THADA: variants seen among roughly 807,000 people sequenced by gnomAD.
THADA encodes THADA armadillo repeat containing.
Under a neutral mutation model 219.8 loss-of-function variants are expected in THADA, and 213 were observed. The ratio of observed to expected loss-of-function variants is 0.97; its 90% CI spans 0.87 to 1.09. The LOEUF (loss-of-function observed/expected upper bound fraction) is 1.09, where lower values mean the gene tolerates loss of function less well. Among genes scored for constraint, THADA ranks in the 50% least tolerant of loss-of-function variants. The pLI is 0.00. For missense variants in THADA, 2,956 were observed against 2,311.3 expected, an observed-to-expected ratio of 1.28 and a Z score of -5.72; for synonymous variants, 1,018 against 828.9, an observed-to-expected ratio of 1.23 and a Z score of -3.92.
At chr2:43,540,636 A>G (rs1695172038) in intron 21 of THADA, among the ~76,000 whole-genome samples, 1 of 152,210 alleles carries the variant, frequency 6.6e-6, no homozygotes, top group South Asian at 2.1e-4. Context: ...GCTTGTGGTA[A>G]GCTAACTTCT....
At chr2:43,569,195 T>C (rs1286003656) in intron 14 of THADA, among the ~76,000 whole-genome samples, 1 of 152,134 alleles carries the variant, frequency 6.6e-6, no homozygotes, top group Non-Finnish European at 1.5e-5. Context: ...CAGGCTAGTC[T>C]TGAAGTCCTG....
At chr2:43,288,104 T>A (rs1674259704) in intron 34 of THADA, among the ~76,000 whole-genome samples, 1 of 152,220 alleles carries the variant, frequency 6.6e-6, no homozygotes, top group African/African-American at 2.4e-5. Flanking sequence ...ACAGTATTTA[T>A]GTTTCTATTA....
At chr2:43,249,771 T>TC (rs1669626161) in intron 36 of THADA, among the ~76,000 whole-genome samples, 1 of 152,186 alleles carries the variant, frequency 6.6e-6, no homozygotes, top group Admixed American at 6.5e-5. Context: ...CCCTGAATCT[T>TC]CTCAGTACCC....
chr2:43,364,535 GC>G (rs1669907477), intron 29 of THADA, among the ~76,000 whole-genome samples: 1 of 152,134 alleles, frequency 6.6e-6, no homozygotes, highest in African/African-American at 2.4e-5. Flanking sequence ...CATTGCCAAT[GC>G]CCCCGTGGAG....
intron 30 of THADA, among the ~76,000 whole-genome samples, chr2:43,332,842 A>G (rs1408407241): frequency 6.6e-6 from 1 of 152,200 alleles, no homozygotes; most frequent in South Asian, 2.1e-4. Context: ...GCAGATTTCT[A>G]TATTTAAAAA....
At chr2:43,256,513 G>C (rs1389099256) in intron 36 of THADA, among the ~76,000 whole-genome samples, 3 of 151,918 alleles carry the variant, frequency 2.0e-5, no homozygotes, top group African/African-American at 7.3e-5. Flanking sequence ...GTGGGCTCAA[G>C]TGATCCTCCT....
At chr2:43,448,731 A>G (rs1396359874) in intron 26 of THADA, among the ~76,000 whole-genome samples, 1 of 152,118 alleles carries the variant, frequency 6.6e-6, no homozygotes, top group Non-Finnish European at 1.5e-5. Context: ...AAGACCTGAG[A>G]AAAACTTAAG....
chr2:43,396,478 T>C (rs928126921), intron 29 of THADA, among the ~76,000 whole-genome samples: 5 of 152,224 alleles, frequency 3.3e-5, no homozygotes, highest in African/African-American at 1.2e-4. Flanking sequence ...CACAGTGAAA[T>C]GTAGTAGGCA....
Position 43,575,046 on chromosome 2 carries a change from T to C in THADA, c.1038-19A>G. 3.8e-6 allele frequency: 6 copies of C among 1,567,736 alleles called. No individual in the cohort carries two copies. In the Admixed American group the frequency reaches 5.8e-5, roughly 15 times the overall value. The stretch of plus-strand genomic sequence containing the variant: ...TTTAATCCTGAAGAAAAATGAGCCA[T>C]GAGCCATTATTGTAAACTGATTAGT... On this transcript the variant is annotated intron_variant, in intron 10 of 37. Transcript: ENST00000405975.
intron 27 of THADA, among the ~76,000 whole-genome samples, chr2:43,429,060 T>C (rs948527099): frequency 1.3e-5 from 2 of 152,192 alleles, no homozygotes; most frequent in African/African-American, 2.4e-5. Flanking sequence ...ACATGCTTTA[T>C]GATGTCCATA....
intron 26 of THADA, among the ~76,000 whole-genome samples, chr2:43,462,081 G>C (rs977726714): frequency 6.6e-6 from 1 of 152,068 alleles, no homozygotes; most frequent in Non-Finnish European, 1.5e-5. Flanking sequence ...AGGGGATTTC[G>C]GGCTGCATTT....
chr2:43,498,739 G>C (rs1421039796), intron 25 of THADA, 94 bp downstream of exon 25: 2 of 1,296,578 alleles, frequency 1.5e-6, no homozygotes, highest in Non-Finnish European at 2.1e-6. Flanking sequence ...TAAAGGGCAG[G>C]AAATATTTTT....
intron 28 of THADA, among the ~76,000 whole-genome samples, chr2:43,416,752 T>C (rs575182458): frequency 2.4e-4 from 36 of 152,288 alleles, no homozygotes; most frequent in Non-Finnish European, 3.4e-4. Context: ...ATAAAAGATA[T>C]AAAATTGGCA....
intron 26 of THADA, among the ~76,000 whole-genome samples, chr2:43,435,781 C>CAAAAAAAA (rs542080356): frequency 1.9e-5 from 1 of 53,810 alleles, no homozygotes. Context: ...AACTTGCCAC[C>CAAAAAAAA]AAAAAAAAAA....
At chr2:43,374,907 A>T (rs1016921831) in intron 29 of THADA, among the ~76,000 whole-genome samples, 3 of 152,180 alleles carry the variant, frequency 2.0e-5, no homozygotes, top group African/African-American at 4.8e-5. Flanking sequence ...CTGGTGTATG[A>T]ATAAACAAAT....
chr2:43,315,052 T>G (rs1056805197), intron 31 of THADA, among the ~76,000 whole-genome samples: 5 of 152,192 alleles, frequency 3.3e-5, no homozygotes, highest in Non-Finnish European at 5.9e-5. Context: ...CTAAGACATG[T>G]CAGAGGTAGG....
rs578009248 is a variant in THADA at position 43,437,757 on chromosome 2, C to T, written c.3837-7455G>A. Among the ~76,000 whole-genome samples, 3 of 152,046 alleles carry T rather than the reference C, an allele frequency of 2.0e-5. No individual in the cohort carries two copies. In the East Asian group the frequency reaches 5.8e-4, roughly 29 times the overall value. On this transcript the variant is annotated intron_variant, in intron 26 of 37. Transcript: ENST00000405975. ...TCAAGGATGTTTATATAATGAACAG[C>T]ATTGGAAGATATAGTGTCTCCCTCT...
chr2:43,522,313 T>C (rs1692595754), intron 22 of THADA, among the ~76,000 whole-genome samples: 1 of 152,292 alleles, frequency 6.6e-6, no homozygotes, highest in South Asian at 2.1e-4. Context: ...ACCACTATCA[T>C]ACATTATTGA....
intron 36 of THADA, among the ~76,000 whole-genome samples, chr2:43,248,021 C>T (rs1256696767): frequency 2.0e-5 from 3 of 149,846 alleles, no homozygotes; most frequent in East Asian, 2.0e-4. Context: ...CCAGCCTGGG[C>T]GTCAGAGCAA....
Sources: gnomAD v4.1 joint callset for allele counts (sites outside exome capture counted in the v4.1 genomes callset) on GRCh38, gnomAD v4.1.1 for gene constraint, MANE v1.5 for transcripts, NCBI Gene and HGNC (gene_info 2026-07-23, HGNC 2026-07-21) for gene names.